MGAM: variants seen among roughly 807,000 people sequenced by gnomAD.
The protein encoded by MGAM is maltase-glucoamylase.
Under a neutral mutation model 358.8 loss-of-function variants are expected in MGAM, and 253 were observed. The observed-to-expected ratio is 0.71, with a 90% confidence interval of 0.64 to 0.78. The LOEUF (loss-of-function observed/expected upper bound fraction) is 0.78, where lower values mean the gene tolerates loss of function less well. MGAM is among the 30% of genes least tolerant of loss of function. MGAM has a pLI of 0.00. For missense variants in MGAM, 3,080 were observed against 3,432.6 expected (o/e 0.90, Z 2.57); for synonymous variants, 1,105 against 1,227.1 (o/e 0.90, Z 2.08).
intron 1 of MGAM, among the ~76,000 whole-genome samples, chr7:141,997,731 AG>A (rs1386446722): frequency 2.0e-5 from 3 of 152,178 alleles, no homozygotes; most frequent in Non-Finnish European, 4.4e-5. Flanking sequence ...ACAGCTGGCT[AG>A]GGTCAGAGCT....
In MGAM at chr7:142,082,335, T is replaced by C. The variant is rs929811355; in HGVS notation, c.6171+125T>C. 27 of 1,295,378 alleles carry C rather than the reference T, an allele frequency of 2.1e-5. 1 individual carries two copies. The African/African-American group carries it at 3.0e-4, about 14-fold the overall frequency. 80.2% of individuals were successfully genotyped at this position (1,295,378 alleles called of 1,614,324 possible). On this transcript the variant is annotated intron_variant, in intron 51 of 70. Transcript: ENST00000475668. ...TCTGCTTTTAGGCGAGTGGGCCAAT[T>C]CTCAGGCTCCTTTGTTTCATGTGTT...
chr7:142,054,307 AG>A (rs1055398422), intron 26 of MGAM, among the ~76,000 whole-genome samples: 2 of 152,250 alleles, frequency 1.3e-5, no homozygotes, highest in African/African-American at 4.8e-5. Flanking sequence ...AGTGTCAGGC[AG>A]GGGATGTAGT....
At chr7:141,987,600 G>C (rs1241946414) in intron 2 of MGAM, among the ~76,000 whole-genome samples, 4 of 151,932 alleles carry the variant, frequency 2.6e-5, no homozygotes, top group Non-Finnish European at 4.4e-5. Flanking sequence ...CACAGGGGAG[G>C]GGGGCATGGA....
chr7:142,059,082 T>C (rs902034967), intron 31 of MGAM, among the ~76,000 whole-genome samples: 11 of 152,220 alleles, frequency 7.2e-5, no homozygotes, highest in Admixed American at 7.2e-4. Context: ...TTACTATTAG[T>C]CCTGGATAAT....
In MGAM at chr7:142,066,657, C is replaced by A. The variant is rs1195056696; in HGVS notation, c.4855C>A (p.Leu1619Met). The A allele has an allele frequency of 1.9e-6, 3 of 1,556,178 alleles. 1 individual carries two copies. The highest frequency in any genetic ancestry group is 2.6e-6 in the Non-Finnish European group (3 of 1,132,640). The change falls in exon 41 of 71, where the codon CTG (leucine) becomes ATG (methionine). Residue 1619 changes from leucine (L) to methionine (M), a missense_variant. Around this residue, in one of 5 missense-constraint regions of MGAM, gnomAD observed 134 missense variants for 198.4 expected, o/e 0.68. Transcript: ENST00000475668. ...LQTRYTLLPY[L>M]YTLMQKAHTE... ...GACCAGATACACCCTGTTGCCATAT[C>A]TGTATACCTTGATGCAAAAGGCCCA...
intron 70 of MGAM, among the ~76,000 whole-genome samples, chr7:142,104,008 A>G (rs2129068366): frequency 6.6e-6 from 1 of 152,110 alleles, no homozygotes; most frequent in East Asian, 1.9e-4. Flanking sequence ...GTCTGCCACT[A>G]TGCCCGGCTA....
intron 4 of MGAM, among the ~76,000 whole-genome samples, chr7:142,020,282 C>G (rs1554458071): frequency 1.3e-5 from 2 of 151,942 alleles, no homozygotes; most frequent in East Asian, 3.9e-4. Flanking sequence ...ATATAATCAC[C>G]TGTAATGCAA....
intron 16 of MGAM, among the ~76,000 whole-genome samples, chr7:142,035,802 G>T (rs569581044): frequency 2.0e-5 from 3 of 152,096 alleles, no homozygotes; most frequent in African/African-American, 7.2e-5. Context: ...TTAGGCTTTA[G>T]AAAAATAATG....
At chr7:142,074,669 G>A (rs1813602512) in intron 45 of MGAM, among the ~76,000 whole-genome samples, 1 of 146,232 alleles carries the variant, frequency 6.8e-6, no homozygotes, top group East Asian at 2.0e-4. Flanking sequence ...TGAAGCATAT[G>A]CCTTGGAAGC....
intron 21 of MGAM, among the ~76,000 whole-genome samples, chr7:142,041,875 TATATATAC>T (rs1563143964): frequency 3.4e-5 from 3 of 88,876 alleles, no homozygotes; most frequent in African/African-American, 1.3e-4. Context: ...ATATATATTA[TATATATAC>T]GTATAATATA....
rs1554459284 is a variant in MGAM at position 142,022,436 on chromosome 7, T to C, written c.879T>C (p.Asn293=). The part of the protein sequence containing the change: ...WPIFNRDTTP[N]GNGTNLYGAQ... ...TATTTAACAGAGACACAACTCCCAA[T>C]GGAGTAAGCTTTCAAATGGGCCCCT... The change falls in exon 7 of 71, where the codon AAT becomes AAC. Residue 293 remains asparagine, a synonymous_variant. Coordinates refer to ENST00000475668, the MANE Select transcript of MGAM (RefSeq NM_001365693.1). The C allele has an allele frequency of 6.2e-7, 1 of 1,612,296 alleles. No homozygotes were observed.
chr7:142,061,048 G>A (rs955012339), intron 34 of MGAM, among the ~76,000 whole-genome samples: 2 of 152,158 alleles, frequency 1.3e-5, no homozygotes, highest in African/African-American at 4.8e-5. Flanking sequence ...TTGCTTGAAT[G>A]AATACATGGC....
At chr7:142,105,717 T>G in intron 70 of MGAM, 97 bp from the exon 71 acceptor site, 1 of 860,242 alleles carries the variant, frequency 1.2e-6, no homozygotes, top group Non-Finnish European at 2.0e-6. Flanking sequence ...GTAGAAGTAT[T>G]AGGGGGTTAT....
intron 21 of MGAM, among the ~76,000 whole-genome samples, chr7:142,041,883 CGTATA>C (rs1170998996): frequency 0.033 from 2,280 of 68,108 alleles, 253 homozygotes; most frequent in African/African-American, 0.12. Flanking sequence ...TATATATATA[CGTATA>C]ATATATAATA....
At chr7:142,103,651 C>T (rs1816620875) in intron 70 of MGAM, among the ~76,000 whole-genome samples, 1 of 152,138 alleles carries the variant, frequency 6.6e-6, no homozygotes. Context: ...TCTTACTTTC[C>T]ATGTTTGTCT....
At chr7:141,998,477 A>C (rs57221411) in intron 1 of MGAM, among the ~76,000 whole-genome samples, 2,373 of 152,184 alleles carry the variant, frequency 0.016, 54 homozygotes, top group African/African-American at 0.048. Flanking sequence ...TCATTGTTCA[A>C]CTTCCACTTA....
intron 1 of MGAM, among the ~76,000 whole-genome samples, chr7:141,998,614 T>C (rs782152358): frequency 6.6e-5 from 10 of 152,210 alleles, no homozygotes; most frequent in South Asian, 4.1e-4. Context: ...GCATAGTATT[T>C]CATGGTGTAT....
chr7:142,060,465 T>C, intron 34 of MGAM, 92 bp downstream of exon 34: 1 of 1,464,496 alleles, frequency 6.8e-7, no homozygotes, highest in South Asian at 1.2e-5. Context: ...ACCGTGGACA[T>C]GGGCTTGGCA....
Position 142,040,764 on chromosome 7 carries a change from C to T in MGAM, c.2416C>T (p.Leu806Phe). Residue 806 changes from leucine to phenylalanine, a missense_variant, in exon 21 of 71, where the codon CTT (leucine) becomes TTT (phenylalanine). Physicochemically the swap from Leu to Phe is conservative, Grantham distance 22 (BLOSUM62 0). This residue lies in a region of MGAM where 1,816 missense variants were observed against 1,840.5 expected (regional missense o/e 0.99). Coordinates refer to ENST00000475668, the MANE Select transcript of MGAM (RefSeq NM_001365693.1). The part of the protein sequence containing the change: ...RWRKQKVEME[L>F]PGDKIGLHLR... ...GAGGAAGCAAAAAGTCGAGATGGAA[C>T]TTCCTGGAGACAAAATTGGACTTCA... 1 of 1,613,292 alleles carries T rather than the reference C, an allele frequency of 6.2e-7. No individual in the cohort carries two copies. Among genetic ancestry groups the T allele is most frequent in the Non-Finnish European group, 8.5e-7 (1 of 1,179,494 alleles).
Sources: gnomAD v4.1 joint callset for allele counts (sites outside exome capture counted in the v4.1 genomes callset) on GRCh38, gnomAD v4.1.1 for gene constraint, gnomAD v4.1.1 regional missense constraint, MANE v1.5 for transcripts, NCBI Gene and HGNC (gene_info 2026-07-23, HGNC 2026-07-21) for gene names.